SHROOM4: variants seen among roughly 807,000 people sequenced by gnomAD.
SHROOM4 encodes the protein shroom family member 4.
Under a neutral mutation model 80.3 loss-of-function variants are expected in SHROOM4, and 17 were observed. That is an observed-to-expected ratio of 0.21 (90% CI 0.14 to 0.32). SHROOM4 has a LOEUF of 0.32. SHROOM4 is among the 10% of genes least tolerant of loss of function. The probability of loss-of-function intolerance (pLI) is 1.00; values close to 1 mark genes in which losing one functional copy is unlikely to be tolerated. For synonymous variants in SHROOM4, 400 were observed against 437.5 expected, an observed-to-expected ratio of 0.91 and a Z score of 1.07; for missense variants, 993 against 1,140.3, an observed-to-expected ratio of 0.87 and a Z score of 1.86.
chrX:50,789,974 C>A lies in SHROOM4; in HGVS notation c.117+23928G>T, dbSNP rs374974676. On this transcript the variant is annotated intron_variant, in intron 1 of 8. Transcript: ENST00000376020. ...CTAGGCTATATGATAGAGCCTATTG[C>A]TCCTAGTCTACAAACCTATACAGTA... is the stretch of plus-strand genomic sequence containing the variant. Among the ~76,000 whole-genome samples the A allele has an allele frequency of 3.8e-4, 43 of 112,297 alleles. 1 individual carries two copies. The highest frequency in any genetic ancestry group is 1.3e-3 in the African/African-American group (40 of 30,976).
At chrX:50,756,773 G>A (rs1935047291) in intron 1 of SHROOM4, among the ~76,000 whole-genome samples, 2 of 111,108 alleles carry the variant, frequency 1.8e-5, no homozygotes, top group South Asian at 7.6e-4. Context: ...ATGTTTATTT[G>A]CCATTTATAT....
At chrX:50,671,570 T>A (rs1450307182) in intron 2 of SHROOM4, among the ~76,000 whole-genome samples, 2 of 112,370 alleles carry the variant, frequency 1.8e-5, no homozygotes, top group Non-Finnish European at 3.8e-5. Context: ...TTAAGCCTCA[T>A]GAACCAACCT....
chrX:50,810,344 C>T (rs1346443026), intron 1 of SHROOM4, among the ~76,000 whole-genome samples: 2 of 110,854 alleles, frequency 1.8e-5, no homozygotes, highest in African/African-American at 6.6e-5. Flanking sequence ...ACACTGCATA[C>T]CCTCTTCCCC....
chrX:50,673,706 T>C (rs925407232), intron 2 of SHROOM4, among the ~76,000 whole-genome samples: 43 of 110,146 alleles, frequency 3.9e-4, no homozygotes, highest in African/African-American at 1.4e-3. Context: ...AAATATACTA[T>C]GTAGATGTGA....
downstream of SHROOM4, among the ~76,000 whole-genome samples, chrX:50,585,856 G>A (rs1460876180): frequency 2.2e-5 from 1 of 44,680 alleles, no homozygotes; most frequent in Admixed American, 2.1e-4. Context: ...TGTCAAAACT[G>A]GATTTTTTTT....
At chrX:50,606,237 C>A (rs5915283) in intron 6 of SHROOM4, among the ~76,000 whole-genome samples, 1 of 101,456 alleles carries the variant, frequency 9.9e-6, no homozygotes, top group Non-Finnish European at 2.0e-5. Context: ...CCCCCTCCCC[C>A]CCTCATGAAG....
At chrX:50,737,997 A>G (rs1256493739) in intron 1 of SHROOM4, among the ~76,000 whole-genome samples, 1 of 111,793 alleles carries the variant, frequency 8.9e-6, no homozygotes, top group Non-Finnish European at 1.9e-5. Context: ...AGTGGGCATC[A>G]TCCCTGGGAT....
intron 1 of SHROOM4, among the ~76,000 whole-genome samples, chrX:50,761,735 A>G (rs1935162625): frequency 9.1e-6 from 1 of 110,455 alleles, no homozygotes; most frequent in African/African-American, 3.3e-5. Flanking sequence ...GCTTTTTTGT[A>G]TTTTTAGTAG....
At chrX:50,679,387 A>G (rs782770630) in intron 2 of SHROOM4, among the ~76,000 whole-genome samples, 1 of 111,685 alleles carries the variant, frequency 9.0e-6, no homozygotes, top group African/African-American at 3.2e-5. Context: ...TGCTGCAATT[A>G]TATTTGTCTA....
intron 1 of SHROOM4, among the ~76,000 whole-genome samples, chrX:50,696,378 C>G (rs1557263065): frequency 8.9e-6 from 1 of 111,863 alleles, no homozygotes; most frequent in Admixed American, 9.5e-5. Context: ...AGTTTGAATC[C>G]TGGCTCTGCT....
chrX:50,807,977 C>A (rs1936263019), intron 1 of SHROOM4, among the ~76,000 whole-genome samples: 1 of 111,237 alleles, frequency 9.0e-6, no homozygotes, highest in Non-Finnish European at 1.9e-5. Flanking sequence ...TGGTCAGATT[C>A]TCCTCAGTTA....
intron 2 of SHROOM4, among the ~76,000 whole-genome samples, chrX:50,673,628 T>A (rs1305674652): frequency 9.0e-6 from 1 of 110,866 alleles, no homozygotes; most frequent in Admixed American, 9.7e-5. Context: ...AAACACATGA[T>A]TCAACTATAT....
chrX:50,652,554 G>A (rs1372099837), intron 2 of SHROOM4, among the ~76,000 whole-genome samples: 2 of 111,528 alleles, frequency 1.8e-5, no homozygotes, highest in Non-Finnish European at 1.9e-5. Flanking sequence ...TTCTTTTGCT[G>A]TGCAGAAGCT....
the SHROOM4 span, among the ~76,000 whole-genome samples, chrX:50,576,615 G>C: frequency 9.0e-6 from 1 of 111,564 alleles, no homozygotes; most frequent in South Asian, 3.8e-4. Context: ...GTGTGTGTGT[G>C]TGTGTTTGTG....
At chrX:50,699,610 G>T (rs2147465161) in intron 1 of SHROOM4, among the ~76,000 whole-genome samples, 1 of 112,225 alleles carries the variant, frequency 8.9e-6, no homozygotes, top group African/African-American at 3.2e-5. Flanking sequence ...GTCCACCAAG[G>T]TTGGAACACT....
chrX:50,672,296 A>G (rs1932806115), intron 2 of SHROOM4, among the ~76,000 whole-genome samples: 1 of 111,962 alleles, frequency 8.9e-6, no homozygotes, highest in Admixed American at 9.5e-5. Flanking sequence ...ATGCTATTGG[A>G]AAAATGGTGC....
At chrX:50,769,951 A>G (rs1022033380) in intron 1 of SHROOM4, among the ~76,000 whole-genome samples, 1 of 109,303 alleles carries the variant, frequency 9.1e-6, no homozygotes, top group Non-Finnish European at 1.9e-5. Flanking sequence ...TGCATTAGTC[A>G]TCTGAGTTCA....
chrX:50,632,210 T>C (rs1557254251), intron 4 of SHROOM4, among the ~76,000 whole-genome samples: 1 of 112,436 alleles, frequency 8.9e-6, no homozygotes, highest in African/African-American at 3.2e-5. Flanking sequence ...ATAGCTGTTT[T>C]AGAATTTCAT....
chrX:50,763,337 T>C (rs781880929), intron 1 of SHROOM4, among the ~76,000 whole-genome samples: 1 of 111,797 alleles, frequency 8.9e-6, no homozygotes, highest in East Asian at 2.8e-4. Context: ...AATAGTTATT[T>C]TGAAGTGTTT....
Sources: allele counts gnomAD v4.1 joint callset (sites outside exome capture counted in the v4.1 genomes callset), GRCh38; gene constraint gnomAD v4.1.1; transcripts MANE v1.5; gene names NCBI Gene and HGNC (gene_info 2026-07-23, HGNC 2026-07-21).